The following NSF variants were observed in gnomAD, a reference collection of about 807,000 sequenced individuals.
NSF encodes the protein N-ethylmaleimide sensitive factor, vesicle fusing ATPase, also known as vesicle-fusing ATPase.
A neutral mutation model predicts 50.3 loss-of-function variants in NSF; 14 were observed. The ratio of observed to expected loss-of-function variants is 0.28; its 90% CI spans 0.18 to 0.44. NSF has a LOEUF of 0.44. NSF is among the 20% of genes least tolerant of loss of function. The pLI, the probability that NSF is intolerant of heterozygous loss-of-function variation, is 1.00. For synonymous variants in NSF, 109 were observed against 175.7 expected, an observed-to-expected ratio of 0.62 and a Z score of 3.00; for missense variants, 218 against 504.3, an observed-to-expected ratio of 0.43 and a Z score of 5.44.
rs539704129 is a variant in NSF at position 46,720,989 on chromosome 17, A to C, written c.1762-5560A>C. Among the ~76,000 whole-genome samples the C allele has an allele frequency of 4.6e-5, 7 of 152,116 alleles. No homozygotes were observed. The South Asian group carries it at 1.2e-3, about 27-fold the overall frequency. On this transcript the variant is annotated intron_variant, in intron 15 of 20. Transcript: ENST00000398238. Reference sequence around the variant, plus strand: ...AGCCCGTAGCTGCTGCCCCTGTCCCACACACAGGTGGCTCCCCAGTTGTCT... The same window carrying C: ...AGCCCGTAGCTGCTGCCCCTGTCCCCCACACAGGTGGCTCCCCAGTTGTCT...
rs770983845 is a variant in NSF at position 46,749,808 on chromosome 17, C to T, written c.1944C>T (p.Arg648=). Residue 648 remains arginine (R), a synonymous_variant, in exon 18 of 21, where the codon CGC becomes CGT. Coordinates refer to ENST00000398238, the MANE Select transcript of NSF (RefSeq NM_006178.4). The part of the protein sequence containing the change: ...RKLLIIGTTS[R]KDVLQEMEML... ...TTCTTATCATTGGGACCACTAGCCG[C>T]AAAGATGTCCTTCAGGAGATGGAAA... 1 of 1,614,072 alleles carries T rather than the reference C, an allele frequency of 6.2e-7. No homozygotes were observed. Among genetic ancestry groups the T allele is most frequent in the South Asian group, 1.1e-5 (1 of 91,066 alleles).
At chr17:46,726,469 T>C (rs2058890716) in intron 15 of NSF, 80 bp from the exon 16 acceptor site, 3 of 1,284,090 alleles carry the variant, frequency 2.3e-6, no homozygotes, top group Admixed American at 1.7e-5. Flanking sequence ...TTAGTATTGC[T>C]CAAGAAGTAA....
chr17:46,737,676 A>G (rs1405211297), intron 17 of NSF, among the ~76,000 whole-genome samples: 1 of 151,986 alleles, frequency 6.6e-6, no homozygotes, highest in Non-Finnish European at 1.5e-5. Context: ...TGAAAACATG[A>G]TGCATAGAGT....
chr17:46,730,098 C>G (rs1568050538), intron 17 of NSF, among the ~76,000 whole-genome samples: 1 of 151,988 alleles, frequency 6.6e-6, no homozygotes, highest in African/African-American at 2.4e-5. Context: ...GTTGCTGAAA[C>G]AGAAATAATT....
At chr17:46,720,646 A>ATGATTAGAGTATGCTTTTAAC (rs2058820522) in intron 15 of NSF, among the ~76,000 whole-genome samples, 1 of 152,226 alleles carries the variant, frequency 6.6e-6, no homozygotes, top group Non-Finnish European at 1.5e-5. Flanking sequence ...GCTACCAAAT[A>ATGATTAGAGTATGCTTTTAAC]TGATTAGAGT....
intron 15 of NSF, among the ~76,000 whole-genome samples, chr17:46,718,578 A>T (rs1014630822): frequency 6.6e-6 from 1 of 152,216 alleles, no homozygotes; most frequent in South Asian, 2.1e-4. Flanking sequence ...CAAACTAGGG[A>T]AATTACTGCC....
At chr17:46,735,765 T>C (rs1016549389) in intron 17 of NSF, among the ~76,000 whole-genome samples, 1 of 152,022 alleles carries the variant, frequency 6.6e-6, no homozygotes, top group Non-Finnish European at 1.5e-5. Context: ...GCCAACATAG[T>C]GAAACCCGAT....
intron 19 of NSF, among the ~76,000 whole-genome samples, chr17:46,753,298 T>C (rs891193953): frequency 3.3e-5 from 5 of 152,234 alleles, no homozygotes; most frequent in African/African-American, 1.2e-4. Context: ...ACATCTGAAA[T>C]AGGCTCTTGG....
intron 12 of NSF, among the ~76,000 whole-genome samples, chr17:46,695,021 C>T (rs1187785952): frequency 1.9e-5 from 2 of 107,772 alleles, no homozygotes; most frequent in African/African-American, 8.4e-5. Flanking sequence ...CTGAGGCGGG[C>T]GGATCACAAG....
At chr17:46,741,346 T>C (rs901061558) in intron 17 of NSF, among the ~76,000 whole-genome samples, 1 of 152,226 alleles carries the variant, frequency 6.6e-6, no homozygotes, top group African/African-American at 2.4e-5. Flanking sequence ...TGCTTTTGCC[T>C]ATAGTATTTT....
At chr17:46,704,904 T>C in intron 13 of NSF, 50 bp downstream of exon 13, 4 of 1,559,390 alleles carry the variant, frequency 2.6e-6, no homozygotes, top group Non-Finnish European at 3.5e-6. Context: ...ATGATAATAA[T>C]AACTCAGGCG....
intron 17 of NSF, among the ~76,000 whole-genome samples, chr17:46,745,220 T>G (rs1298362912): frequency 1.3e-5 from 2 of 152,338 alleles, no homozygotes; most frequent in African/African-American, 4.8e-5. Context: ...CCATGCAATG[T>G]ATCACTTTAA....
intron 17 of NSF, among the ~76,000 whole-genome samples, chr17:46,744,244 A>T (rs1203887342): frequency 1.3e-5 from 2 of 152,236 alleles, no homozygotes; most frequent in Non-Finnish European, 2.9e-5. Flanking sequence ...AAAAGGAGTA[A>T]ATTATTGTTA....
At chr17:46,744,884 C>CT (rs1353910579) in intron 17 of NSF, among the ~76,000 whole-genome samples, 9 of 152,132 alleles carry the variant, frequency 5.9e-5, no homozygotes, top group African/African-American at 1.9e-4. Context: ...AATTAGTTAA[C>CT]TAATACTTAT....
chr17:46,746,782 A>G (rs1250458984), intron 17 of NSF, among the ~76,000 whole-genome samples: 1 of 152,200 alleles, frequency 6.6e-6, no homozygotes, highest in African/African-American at 2.4e-5. Context: ...TTGAACACAA[A>G]TGACTTATAT....
chr17:46,739,490 G>C (rs915839199), intron 17 of NSF, among the ~76,000 whole-genome samples: 1 of 151,308 alleles, frequency 6.6e-6, no homozygotes, highest in African/African-American at 2.4e-5. Flanking sequence ...AGTGAGTGGA[G>C]ATCATGCAAC....
chr17:46,715,315 C>T lies in NSF; in HGVS notation c.1761+1329C>T, dbSNP rs1191396665. On this transcript the variant is annotated intron_variant, in intron 15 of 20. Transcript: ENST00000398238. ...TAGAATAACTGGGACCAGTGATTTC[C>T]CTAGAGTAGGTAGGGCTGTTTTTCT... 2.6e-5 allele frequency among the ~76,000 whole-genome samples: 4 copies of T among 152,160 alleles called. No individual in the cohort carries two copies. The East Asian group carries it at 7.7e-4, about 29-fold the overall frequency.
intron 12 of NSF, among the ~76,000 whole-genome samples, chr17:46,703,667 T>A: frequency 8.9e-6 from 1 of 111,918 alleles, no homozygotes. Context: ...GGGGACAGAG[T>A]GAGACTCCGT....
At chr17:46,728,783 AAAC>A in intron 16 of NSF, 69 bp from the exon 17 acceptor site, 1 of 1,150,870 alleles carries the variant, frequency 8.7e-7, no homozygotes, top group Middle Eastern at 2.0e-4. Context: ...CAAAAAAAAA[AAAC>A]AAAAACTGAA....
Sources: gnomAD v4.1 joint callset for allele counts (sites outside exome capture counted in the v4.1 genomes callset) on GRCh38, gnomAD v4.1.1 for gene constraint, MANE v1.5 for transcripts, NCBI Gene and HGNC (gene_info 2026-07-23, HGNC 2026-07-21) for gene names.